The following PTPN14 variants were observed in gnomAD, a reference collection of about 807,000 sequenced individuals.
The protein encoded by PTPN14 is tyrosine-protein phosphatase non-receptor type 14.
In PTPN14, 53 loss-of-function variants were observed where a neutral mutation model predicts 126.8. The observed-to-expected ratio is 0.42, with a 90% CI of 0.34 to 0.53. The LOEUF is 0.53. Among genes scored for constraint, PTPN14 ranks in the 20% least tolerant of loss-of-function variants. The probability of loss-of-function intolerance (pLI) is 0.08; values close to 1 mark genes in which losing one functional copy is unlikely to be tolerated. For synonymous variants in PTPN14, 630 were observed against 599.3 expected (o/e 1.05, Z -0.75); for missense variants, 1,257 against 1,552.9 (o/e 0.81, Z 3.20).
At chr1:214,531,846 G>A (rs547106665) in intron 1 of PTPN14, 1 of 152,288 alleles carries the variant, frequency 6.6e-6, no homozygotes, top group Admixed American at 6.5e-5. Context: ...TTATGTTTCA[G>A]GTGGTATTTT....
intron 6 of PTPN14, 76 bp downstream of exon 6, chr1:214,402,807 G>A: frequency 6.7e-7 from 1 of 1,503,010 alleles, no homozygotes; most frequent in Non-Finnish European, 9.2e-7. Flanking sequence ...TTGCTGATAG[G>A]GAGATGGATG....
chr1:214,391,430 G>GAAAAAATATT (rs1658749605), intron 10 of PTPN14, among the ~76,000 whole-genome samples: 2 of 151,464 alleles, frequency 1.3e-5, no homozygotes, highest in South Asian at 4.2e-4. Flanking sequence ...AAAAATGCAA[G>GAAAAAATATT]AAAAAATATT....
intron 3 of PTPN14, among the ~76,000 whole-genome samples, chr1:214,440,483 A>T (rs1282625493): frequency 6.6e-6 from 1 of 152,228 alleles, no homozygotes; most frequent in East Asian, 1.9e-4. Flanking sequence ...GAATAATTTG[A>T]GCCATGGCTC....
intron 5 of PTPN14, among the ~76,000 whole-genome samples, chr1:214,407,105 C>T (rs1199544239): frequency 6.6e-6 from 1 of 152,130 alleles, no homozygotes; most frequent in Non-Finnish European, 1.5e-5. Flanking sequence ...GACATTAAGC[C>T]CTAAGAAGAA....
intron 2 of PTPN14, among the ~76,000 whole-genome samples, chr1:214,459,696 T>C (rs1271294111): frequency 6.6e-6 from 1 of 151,458 alleles, no homozygotes; most frequent in Non-Finnish European, 1.5e-5. Context: ...CTCGATCTCC[T>C]GACCTCGTGA....
At chr1:214,401,064 T>G (rs994759779) in intron 7 of PTPN14, among the ~76,000 whole-genome samples, 9 of 152,084 alleles carry the variant, frequency 5.9e-5, no homozygotes, top group African/African-American at 2.2e-4. Flanking sequence ...GAAAATGAGT[T>G]TGGATGATGG....
chr1:214,487,064 G>A (rs74142719), intron 1 of PTPN14, among the ~76,000 whole-genome samples: 2,718 of 152,080 alleles, frequency 0.018, 85 homozygotes, highest in African/African-American at 0.062. Context: ...ATTTTCACAG[G>A]TAAGTGCAGA....
chr1:214,427,276 CAAAAAAAAAAAAA>C (rs5741915), intron 3 of PTPN14, among the ~76,000 whole-genome samples: 2 of 65,216 alleles, frequency 3.1e-5, no homozygotes, highest in East Asian at 4.7e-4. Context: ...GTCTCCATCT[CAAAAAAAAAAAAA>C]AAAAAAAAAA....
intron 1 of PTPN14, among the ~76,000 whole-genome samples, chr1:214,469,246 G>A (rs1332555999): frequency 6.6e-6 from 1 of 152,056 alleles, no homozygotes; most frequent in African/African-American, 2.4e-5. Flanking sequence ...CTACTTTTAA[G>A]CTCTCAAAAA....
intron 1 of PTPN14, among the ~76,000 whole-genome samples, chr1:214,478,189 G>C (rs551550677): frequency 6.6e-6 from 1 of 152,130 alleles, no homozygotes. Flanking sequence ...TGCATTCAAC[G>C]TCATTTGTAG....
At chr1:214,441,629 C>T (rs994314368) in intron 3 of PTPN14, among the ~76,000 whole-genome samples, 1 of 152,150 alleles carries the variant, frequency 6.6e-6, no homozygotes, top group Non-Finnish European at 1.5e-5. Flanking sequence ...TCAATCCCAC[C>T]CATTGTAATG....
chr1:214,438,166 G>A (rs527309495), intron 3 of PTPN14, among the ~76,000 whole-genome samples: 4 of 152,286 alleles, frequency 2.6e-5, no homozygotes, highest in Non-Finnish European at 4.4e-5. Context: ...TACAAGTACT[G>A]TGAGATTACC....
chr1:214,542,811 A>G (rs1655873093), intron 1 of PTPN14, among the ~76,000 whole-genome samples: 1 of 152,202 alleles, frequency 6.6e-6, no homozygotes, highest in African/African-American at 2.4e-5. Flanking sequence ...AAATCTGAAG[A>G]AATCAGACGC....
At chr1:214,512,569 T>C (rs555172512) in intron 1 of PTPN14, among the ~76,000 whole-genome samples, 2 of 152,282 alleles carry the variant, frequency 1.3e-5, no homozygotes, top group South Asian at 2.1e-4. Flanking sequence ...GGAGAGGTGT[T>C]GTTTAATGGG....
Position 214,506,522 on chromosome 1 carries a change from A to AAAATAAATAAATAAAT in PTPN14, c.-154-41581_-154-41566dup, listed in dbSNP as rs374058238. Among the ~76,000 whole-genome samples the AAAATAAATAAATAAAT allele has an allele frequency of 6.5e-3, 975 of 150,784 alleles. 6 individuals are homozygous for AAAATAAATAAATAAAT. Among genetic ancestry groups the AAAATAAATAAATAAAT allele is most frequent in the Non-Finnish European group, 0.01 (713 of 67,962 alleles). The stretch of plus-strand genomic sequence containing the variant: ...ATAGAGATCCTGTGTCTAAAAGAAG[A>AAAATAAATAAATAAAT]AAATAAATAAATAAATAAATATAAA... On this transcript the variant is annotated intron_variant, in intron 1 of 18. Coordinates refer to ENST00000366956, the MANE Select transcript of PTPN14 (RefSeq NM_005401.5).
chr1:214,429,041 T>C (rs758735672), intron 3 of PTPN14, among the ~76,000 whole-genome samples: 2 of 152,220 alleles, frequency 1.3e-5, no homozygotes, highest in Non-Finnish European at 2.9e-5. Context: ...CTAAGTCCAG[T>C]ACATTTTCCT....
At chr1:214,395,358 A>G (rs1658853049) in intron 8 of PTPN14, among the ~76,000 whole-genome samples, 1 of 151,720 alleles carries the variant, frequency 6.6e-6, no homozygotes, top group Admixed American at 6.6e-5. Context: ...ATTAAAAATC[A>G]TGTGTTTCCA....
intron 2 of PTPN14, 94 bp from the exon 3 acceptor site, chr1:214,452,068 C>G: frequency 2.2e-6 from 3 of 1,394,998 alleles, no homozygotes; most frequent in Non-Finnish European, 2.9e-6. Context: ...GCATCCCACC[C>G]TGGGTTCCCC....
intron 4 of PTPN14, among the ~76,000 whole-genome samples, chr1:214,412,027 A>G (rs947593296): frequency 1.3e-5 from 2 of 152,218 alleles, no homozygotes; most frequent in Admixed American, 6.5e-5. Context: ...AAACAAACCT[A>G]TATCTATCTG....
Sources: allele counts gnomAD v4.1 joint callset (sites outside exome capture counted in the v4.1 genomes callset), GRCh38; gene constraint gnomAD v4.1.1; transcripts MANE v1.5; gene names NCBI Gene and HGNC (gene_info 2026-07-23, HGNC 2026-07-21).